The following LMO7 variants were observed in gnomAD, a reference collection of about 807,000 sequenced individuals.
The protein encoded by LMO7 is LIM domain only protein 7.
Under a neutral mutation model 206.5 loss-of-function variants are expected in LMO7, and 120 were observed. The observed-to-expected ratio is 0.58, with a 90% CI of 0.50 to 0.68. The LOEUF is 0.68. Ranked by LOEUF, LMO7 falls within the 30% of genes least tolerant of loss-of-function variation. LMO7 has a pLI of 0.00. For synonymous variants in LMO7, 706 were observed against 681.5 expected (o/e 1.04, Z -0.56); for missense variants, 1,959 against 1,957.9 (o/e 1.00, Z -0.01).
At chr13:75,771,855 C>A (rs1162854261) in intron 4 of LMO7, among the ~76,000 whole-genome samples, 1 of 151,926 alleles carries the variant, frequency 6.6e-6, no homozygotes, top group East Asian at 1.9e-4. Context: ...ACATAAATTA[C>A]AGTAAAAGTA....
intron 4 of LMO7, among the ~76,000 whole-genome samples, chr13:75,781,097 T>A (rs3036335): frequency 1.5e-5 from 1 of 68,188 alleles, no homozygotes; most frequent in Non-Finnish European, 3.2e-5. Context: ...TCTATTTTCC[T>A]TTTTTTTTTT....
chr13:75,749,615 C>T (rs2047116915), intron 3 of LMO7, among the ~76,000 whole-genome samples: 1 of 152,186 alleles, frequency 6.6e-6, no homozygotes. Flanking sequence ...CTTGCCAGCT[C>T]AGCTCTGCCT....
At chr13:75,664,667 T>G (rs2038936538) in intron 1 of LMO7, among the ~76,000 whole-genome samples, 1 of 152,228 alleles carries the variant, frequency 6.6e-6, no homozygotes, top group South Asian at 2.1e-4. Context: ...GAGGGTTCCC[T>G]TTTCTTCACA....
rs116204064 is a variant in LMO7 at position 75,741,226 on chromosome 13, A to G, written c.210+14128A>G. Among the ~76,000 whole-genome samples, 770 of 152,318 alleles carry G rather than the reference A, an allele frequency of 5.1e-3. 7 individuals are homozygous for G. Among genetic ancestry groups the G allele is most frequent in the African/African-American group, 0.018 (738 of 41,576 alleles). ...CAAACACTAACATTTAAACGTTCTTATTTTACTAGTTTGTCAATCTCATCA... is the reference window on the plus strand; with the variant it reads ...CAAACACTAACATTTAAACGTTCTTGTTTTACTAGTTTGTCAATCTCATCA... On this transcript the variant is annotated intron_variant, in intron 3 of 30. Transcript: ENST00000377534.
rs562660391 is a variant in LMO7 at position 75,787,751 on chromosome 13, C to T, written c.318-7650C>T. Among the ~76,000 whole-genome samples the T allele has an allele frequency of 7.2e-5, 11 of 152,256 alleles. No individual in the cohort carries two copies. The South Asian group carries it at 1.5e-3, about 20-fold the overall frequency. On this transcript the variant is annotated intron_variant, in intron 4 of 30. Coordinates refer to ENST00000377534, the MANE Select transcript of LMO7 (RefSeq NM_001306080.2). The stretch of plus-strand genomic sequence containing the variant: ...AAACCAATGAGTCACACGCCTCTAA[C>T]GTCACTGGGAGGTTGTCAAATGGAA...
chr13:75,780,738 T>G (rs1008042393), intron 4 of LMO7, among the ~76,000 whole-genome samples: 22 of 152,228 alleles, frequency 1.4e-4, no homozygotes, highest in African/African-American at 4.6e-4. Context: ...GTTCAGAGAT[T>G]GCAGTAAAGA....
chr13:75,773,328 G>A (rs596473), intron 4 of LMO7, among the ~76,000 whole-genome samples: 2,165 of 152,170 alleles, frequency 0.014, 65 homozygotes, highest in African/African-American at 0.049. Flanking sequence ...ATCCTGGCTA[G>A]GGGATTTAAA....
chr13:75,799,458 A>T (rs77989059), intron 6 of LMO7, among the ~76,000 whole-genome samples: 6,014 of 152,210 alleles, frequency 0.04, 205 homozygotes, highest in East Asian at 0.12. Context: ...TCCCCCAAAT[A>T]CTCAGTATGC....
intron 15 of LMO7, among the ~76,000 whole-genome samples, chr13:75,829,066 G>A (rs957832022): frequency 2.0e-5 from 3 of 152,150 alleles, no homozygotes; most frequent in Non-Finnish European, 4.4e-5. Flanking sequence ...AATGAATTCA[G>A]TTTTCGAATT....
chr13:75,785,038 G>T (rs2052182598), intron 4 of LMO7, among the ~76,000 whole-genome samples: 1 of 152,112 alleles, frequency 6.6e-6, no homozygotes, highest in South Asian at 2.1e-4. Flanking sequence ...GTATATACAG[G>T]ATAGTGGAAA....
chr13:75,855,303 C>T lies in LMO7; in HGVS notation c.4705C>T (p.Leu1569=). 1 of 1,613,946 alleles carries T rather than the reference C, an allele frequency of 6.2e-7. No individual in the cohort carries two copies. Among genetic ancestry groups the T allele is most frequent in the South Asian group, 1.1e-5 (1 of 91,064 alleles). ...KRICSYCNNI[L]GKGAAMIIES... ...CATATGCTCCTACTGCAATAACATTCTGGGCAAAGGAGCCGCCATGATCAT... is the reference window on the plus strand; with the variant it reads ...CATATGCTCCTACTGCAATAACATTTTGGGCAAAGGAGCCGCCATGATCAT... The change falls in exon 29 of 31, where the codon CTG becomes TTG. Residue 1569 remains leucine, a synonymous_variant. Coordinates refer to ENST00000377534, the MANE Select transcript of LMO7 (RefSeq NM_001306080.2).
At chr13:75,815,011 T>C (rs529482523) in intron 11 of LMO7, among the ~76,000 whole-genome samples, 4 of 152,212 alleles carry the variant, frequency 2.6e-5, no homozygotes, top group African/African-American at 9.6e-5. Flanking sequence ...TGGAAGAACC[T>C]GTCTTTAACT....
chr13:75,823,928 T>C, intron 15 of LMO7, 55 bp downstream of exon 15: 2 of 1,430,850 alleles, frequency 1.4e-6, no homozygotes, highest in Non-Finnish European at 1.9e-6. Context: ...CACATTTAAA[T>C]CTGGAAACCA....
chr13:75,631,098 C>T (rs188740210), intron 2 of LMO7, among the ~76,000 whole-genome samples: 5 of 152,278 alleles, frequency 3.3e-5, no homozygotes, highest in African/African-American at 1.2e-4. Context: ...GCAATCTTGG[C>T]TCACTGCAAC....
chr13:75,657,034 A>G (rs2038122986), intron 1 of LMO7, among the ~76,000 whole-genome samples: 1 of 152,220 alleles, frequency 6.6e-6, no homozygotes, highest in Non-Finnish European at 1.5e-5. Context: ...TGTGATTGGT[A>G]TCTTTATAAA....
At chr13:75,857,134 G>A (rs2061025802) in intron 30 of LMO7, 1 of 152,214 alleles carries the variant, frequency 6.6e-6, no homozygotes, top group South Asian at 2.1e-4. Flanking sequence ...TATTAACTAT[G>A]GTGTTTCAGT....
At chr13:75,678,938 G>A (rs1232704109) in intron 1 of LMO7, among the ~76,000 whole-genome samples, 1 of 152,198 alleles carries the variant, frequency 6.6e-6, no homozygotes, top group East Asian at 1.9e-4. Flanking sequence ...AGAATTGGAA[G>A]TTTGGAAAAG....
chr13:75,670,414 C>T (rs1159225898), intron 1 of LMO7, among the ~76,000 whole-genome samples: 2 of 152,086 alleles, frequency 1.3e-5, no homozygotes, highest in Non-Finnish European at 2.9e-5. Context: ...TGTGTAACAT[C>T]GTAGAGTGTA....
chr13:75,771,447 G>A (rs2049653378), intron 4 of LMO7, among the ~76,000 whole-genome samples: 1 of 75,368 alleles, frequency 1.3e-5, no homozygotes, highest in South Asian at 4.9e-4. Context: ...GTTAAGTGCT[G>A]AGGATTGTAA....
Sources: allele counts gnomAD v4.1 joint callset (sites outside exome capture counted in the v4.1 genomes callset), GRCh38; gene constraint gnomAD v4.1.1; transcripts MANE v1.5; gene names NCBI Gene and HGNC (gene_info 2026-07-23, HGNC 2026-07-21).